TBATA: variants seen among roughly 807,000 people sequenced by gnomAD.
The protein encoded by TBATA is thymus, brain and testes associated, also known as protein TBATA.
Under a neutral mutation model 38.7 loss-of-function variants are expected in TBATA, and 47 were observed. That is an observed-to-expected ratio of 1.21 (90% confidence interval 0.96 to 1.55). The LOEUF is 1.55. TBATA is among the 40% of genes most tolerant of loss of function. The probability of loss-of-function intolerance (pLI) is 0.00; values close to 1 mark genes in which losing one functional copy is unlikely to be tolerated. For missense variants in TBATA, 436 were observed against 435.6 expected, an observed-to-expected ratio of 1.00 and a Z score of -0.01; for synonymous variants, 183 against 170.5, an observed-to-expected ratio of 1.07 and a Z score of -0.57.
At chr10:70,783,977 T>C (rs1589427543) in intron 2 of TBATA, among the ~76,000 whole-genome samples, 2 of 152,244 alleles carry the variant, frequency 1.3e-5, no homozygotes, top group African/African-American at 4.8e-5. Context: ...CTATATATAA[T>C]GTGTGGATAA....
intron 6 of TBATA, among the ~76,000 whole-genome samples, 191 bp from the exon 7 acceptor site, chr10:70,777,529 A>G (rs909883429): frequency 6.6e-6 from 1 of 150,988 alleles, no homozygotes; most frequent in Non-Finnish European, 1.5e-5. Flanking sequence ...CCTGCCCTAG[A>G]CCCCTCCTTG....
chr10:70,776,141 C>G (rs1843363479), intron 7 of TBATA, among the ~76,000 whole-genome samples: 1 of 152,262 alleles, frequency 6.6e-6, no homozygotes, highest in African/African-American at 2.4e-5. Flanking sequence ...CATCCTAGGA[C>G]CTGGAGGGGC....
At chr10:70,778,718 G>T in intron 5 of TBATA, 82 bp from the exon 6 acceptor site, 1 of 1,237,684 alleles carries the variant, frequency 8.1e-7, no homozygotes, top group Non-Finnish European at 1.2e-6. Flanking sequence ...TGGTAGAGGA[G>T]TCTGCTCTCC....
At chr10:70,777,826 C>T (rs945549635) in intron 6 of TBATA, 2 of 455,228 alleles carry the variant, frequency 4.4e-6, no homozygotes, top group East Asian at 1.4e-4. Context: ...GGGCCTCCTG[C>T]TCTTGCAATT....
At chr10:70,778,468 T>C (rs1843703468) in intron 6 of TBATA, 89 bp downstream of exon 6, 2 of 1,317,992 alleles carry the variant, frequency 1.5e-6, no homozygotes, top group African/African-American at 2.9e-5. Flanking sequence ...CCACCTCTGG[T>C]AGGCTGAACT....
At chr10:70,775,490 C>G (rs10999536) in intron 7 of TBATA, among the ~76,000 whole-genome samples, 15,998 of 152,236 alleles carry the variant, frequency 0.11, 1,035 homozygotes, top group Non-Finnish European at 0.14. Flanking sequence ...GAGGAAGATT[C>G]TTAATCTTCC....
chr10:70,776,649 C>T (rs1239033669), intron 7 of TBATA, among the ~76,000 whole-genome samples: 1 of 152,288 alleles, frequency 6.6e-6, no homozygotes, highest in Non-Finnish European at 1.5e-5. Context: ...TCACAGGGAC[C>T]TCTGACGCCT....
intron 9 of TBATA, among the ~76,000 whole-genome samples, chr10:70,773,755 A>C (rs749631777): frequency 1.4e-4 from 21 of 152,254 alleles, no homozygotes; most frequent in African/African-American, 2.2e-4. Flanking sequence ...ATCGCTGCTC[A>C]GTGGCCTTGC....
chr10:70,773,074 G>A (rs1842950392), intron 9 of TBATA, among the ~76,000 whole-genome samples: 1 of 152,144 alleles, frequency 6.6e-6, no homozygotes, highest in Non-Finnish European at 1.5e-5. Context: ...GGGGGCTTTT[G>A]AGAGATAGTT....
intron 5 of TBATA, 22 bp from the exon 6 acceptor site, chr10:70,778,658 C>T (rs759247055): frequency 1.2e-6 from 2 of 1,612,454 alleles, no homozygotes; most frequent in African/African-American, 1.3e-5. Flanking sequence ...GGACAAGGTC[C>T]TGCCAACTGA....
chr10:70,775,908 C>A (rs1843331359), intron 7 of TBATA, among the ~76,000 whole-genome samples: 1 of 152,230 alleles, frequency 6.6e-6, no homozygotes, highest in Non-Finnish European at 1.5e-5. Context: ...CATCCTCAGT[C>A]TTTGACATCT....
intron 3 of TBATA, 151 bp downstream of exon 3, chr10:70,783,188 G>A: frequency 1.2e-6 from 1 of 846,424 alleles, no homozygotes; most frequent in South Asian, 1.6e-5. Context: ...AGGACCCATT[G>A]GGGGGTCTGG....
intron 6 of TBATA, 104 bp downstream of exon 6, chr10:70,778,453 C>T: frequency 1.8e-6 from 2 of 1,133,596 alleles, no homozygotes; most frequent in Non-Finnish European, 2.7e-6. Flanking sequence ...ATCAGTCCCC[C>T]CACCCCACCT....
At chr10:70,773,106 G>C (rs1276732928) in intron 9 of TBATA, among the ~76,000 whole-genome samples, 2 of 152,164 alleles carry the variant, frequency 1.3e-5, no homozygotes, top group Non-Finnish European at 2.9e-5. Flanking sequence ...TCGCAGCTGG[G>C]AGGTGGTTTG....
chr10:70,782,493 G>A (rs554352180), intron 3 of TBATA: 2 of 1,287,032 alleles, frequency 1.6e-6, no homozygotes, highest in East Asian at 5.5e-5. Flanking sequence ...CCTCCCCCAT[G>A]CACTCAGGAG....
chr10:70,775,356 C>T, intron 7 of TBATA, 86 bp from the exon 8 acceptor site: 2 of 1,225,228 alleles, frequency 1.6e-6, no homozygotes, highest in East Asian at 4.8e-5. Context: ...CCAAGGAGAC[C>T]CTTCCCCCAA....
intron 9 of TBATA, 121 bp from the exon 10 acceptor site, chr10:70,772,687 G>A (rs10823618): frequency 0.21 from 212,631 of 1,020,628 alleles, 25,735 homozygotes; most frequent in East Asian, 0.55. Flanking sequence ...CTGCTCCAGG[G>A]AGAGGCAAGA....
Position 70,775,233 on chromosome 10 carries a change from A to G in TBATA, c.731T>C (p.Leu244Ser), listed in dbSNP as rs2132847010. The G allele has an allele frequency of 6.8e-6, 11 of 1,614,172 alleles. No homozygotes were observed. The highest frequency in any genetic ancestry group is 9.3e-6 in the Non-Finnish European group (11 of 1,179,996). ...ELLCRILETD[L>S]LSAIQFWLLY... is the part of the protein sequence containing the mutation. ...CAGCCAGAACTGGATTGCGCTTAGC[A>G]AGTCTGTTTCCAGGATCCGACACAG... Residue 244 changes from leucine (L) to serine (S), a missense_variant, in exon 8 of 11, where the codon TTG becomes TCG. Physicochemically the swap from Leu to Ser is moderately radical, Grantham distance 145 (BLOSUM62 -2). Coordinates refer to ENST00000456372, the MANE Select transcript of TBATA (RefSeq NM_001318241.2).
In TBATA at chr10:70,784,247, G is replaced by T. The variant is rs191644344; in HGVS notation, c.-147+400C>A. Among the ~76,000 whole-genome samples, 4 of 152,302 alleles carry T rather than the reference G, an allele frequency of 2.6e-5. No homozygotes were observed. In the East Asian group the frequency reaches 7.7e-4, roughly 29 times the overall value. On this transcript the variant is annotated intron_variant, in intron 2 of 10. Transcript: ENST00000456372. ...TATTTCCGAGGGAAGGCGGGGAGGG[G>T]AAGTGTGCAGGAGAAGCGCATATAA...
Sources: allele counts gnomAD v4.1 joint callset (sites outside exome capture counted in the v4.1 genomes callset), GRCh38; gene constraint gnomAD v4.1.1; transcripts MANE v1.5; gene names NCBI Gene and HGNC (gene_info 2026-07-23, HGNC 2026-07-21).